Variants in TIAM1 observed in about 807,000 individuals in gnomAD.
The protein encoded by TIAM1 is TIAM Rac1 associated GEF 1.
In TIAM1, 65 loss-of-function variants were observed where a neutral mutation model predicts 163.5. The ratio of observed to expected loss-of-function variants is 0.40; its 90% CI spans 0.33 to 0.49. TIAM1 has a LOEUF of 0.49. Ranked by LOEUF, TIAM1 falls within the 20% of genes least tolerant of loss-of-function variation. TIAM1 has a pLI of 0.77. For missense variants in TIAM1, 1,789 were observed against 2,044.7 expected (o/e 0.87, Z 2.41); for synonymous variants, 833 against 810.1 (o/e 1.03, Z -0.48).
intron 2 of TIAM1, among the ~76,000 whole-genome samples, chr21:31,376,304 A>G (rs929715621): frequency 6.6e-6 from 1 of 152,034 alleles, no homozygotes; most frequent in Non-Finnish European, 1.5e-5. Flanking sequence ...CATAACACCA[A>G]TCACCAAGAA....
chr21:31,358,905 C>A (rs1030665129), intron 2 of TIAM1, among the ~76,000 whole-genome samples: 1 of 152,186 alleles, frequency 6.6e-6, no homozygotes, highest in Non-Finnish European at 1.5e-5. Flanking sequence ...AAGCATATCA[C>A]CCCTCTGGCC....
At chr21:31,375,893 G>C (rs1334188042) in intron 2 of TIAM1, among the ~76,000 whole-genome samples, 1 of 152,054 alleles carries the variant, frequency 6.6e-6, no homozygotes, top group Admixed American at 6.6e-5. Flanking sequence ...CGGGCATGAT[G>C]GTGGGCGCCT....
chr21:31,213,866 C>CAAAAAAAAAAAAAAAAA (rs35524539), intron 9 of TIAM1, among the ~76,000 whole-genome samples: 4 of 54,846 alleles, frequency 7.3e-5, no homozygotes, highest in African/African-American at 2.5e-4. Context: ...CTCATCTCTA[C>CAAAAAAAAAAAAAAAAA]AAAAAAAAAA....
intron 16 of TIAM1, among the ~76,000 whole-genome samples, chr21:31,160,158 C>CA (rs947639879): frequency 2.6e-5 from 4 of 151,914 alleles, no homozygotes; most frequent in African/African-American, 7.3e-5. Flanking sequence ...ATTAATTAAA[C>CA]AAAAAAATGC....
At chr21:31,517,625 G>C (rs2047428994) in intron 1 of TIAM1, among the ~76,000 whole-genome samples, 3 of 152,066 alleles carry the variant, frequency 2.0e-5, no homozygotes, top group African/African-American at 7.2e-5. Context: ...CCGGTACCAT[G>C]GTAGAATATG....
chr21:31,455,548 G>A (rs1247440955), intron 2 of TIAM1, among the ~76,000 whole-genome samples: 1 of 151,944 alleles, frequency 6.6e-6, no homozygotes. Flanking sequence ...GAGTAGCTGG[G>A]ATTACAGGCA....
At chr21:31,488,778 T>C (rs1602401920) in intron 1 of TIAM1, among the ~76,000 whole-genome samples, 2 of 152,038 alleles carry the variant, frequency 1.3e-5, no homozygotes, top group East Asian at 3.9e-4. Flanking sequence ...ATTATTATAA[T>C]TCAAGGTGAG....
chr21:31,425,725 C>G (rs566633250), intron 2 of TIAM1, among the ~76,000 whole-genome samples: 121 of 147,282 alleles, frequency 8.2e-4, no homozygotes, highest in African/African-American at 2.5e-3. Context: ...GAGACAGAGT[C>G]TCGCTCTGTC....
intron 2 of TIAM1, among the ~76,000 whole-genome samples, chr21:31,288,519 G>A (rs1423574208): frequency 1.3e-5 from 2 of 152,014 alleles, no homozygotes; most frequent in Non-Finnish European, 2.9e-5. Flanking sequence ...CATTTATGAG[G>A]GCAGAGCACT....
chr21:31,265,986 T>G (rs758172715), intron 4 of TIAM1, 24 bp downstream of exon 4: 1 of 1,605,742 alleles, frequency 6.2e-7, no homozygotes, highest in Non-Finnish European at 8.5e-7. Flanking sequence ...CCCAAAATAT[T>G]GAAACAAATT....
chr21:31,549,040 T>C (rs2048594551), intron 1 of TIAM1, among the ~76,000 whole-genome samples: 1 of 152,214 alleles, frequency 6.6e-6, no homozygotes. Flanking sequence ...CAAAAGCTGA[T>C]ACCAAAGGTA....
At chr21:31,428,075 A>G (rs2043862588) in intron 2 of TIAM1, among the ~76,000 whole-genome samples, 1 of 152,110 alleles carries the variant, frequency 6.6e-6, no homozygotes, top group South Asian at 2.1e-4. Context: ...CAGCCTGATC[A>G]ACATGGTGAA....
intron 6 of TIAM1, among the ~76,000 whole-genome samples, chr21:31,229,791 T>C (rs1285179034): frequency 6.6e-6 from 1 of 152,096 alleles, no homozygotes; most frequent in Admixed American, 6.5e-5. Context: ...CAGTTGGAAT[T>C]ACAGGCACCT....
At chr21:31,456,607 T>G (rs1288537146) in intron 2 of TIAM1, among the ~76,000 whole-genome samples, 1 of 143,360 alleles carries the variant, frequency 7.0e-6, no homozygotes, top group African/African-American at 2.5e-5. Context: ...TCAACTTTCA[T>G]GTTTTTAAAA....
At chr21:31,461,905 G>A (rs1043510934) in intron 2 of TIAM1, among the ~76,000 whole-genome samples, 3 of 152,126 alleles carry the variant, frequency 2.0e-5, no homozygotes, top group East Asian at 1.9e-4. Context: ...GGGCTCAAGC[G>A]ATCCTCCCGC....
At chr21:31,182,398 C>T in intron 15 of TIAM1, 23 bp downstream of exon 15, 1 of 1,512,126 alleles carries the variant, frequency 6.6e-7, no homozygotes, top group Non-Finnish European at 8.8e-7. Context: ...CAGACTCGCC[C>T]CCAGCACCCT....
intron 2 of TIAM1, among the ~76,000 whole-genome samples, chr21:31,406,646 T>C (rs1337927535): frequency 1.3e-5 from 2 of 151,912 alleles, no homozygotes; most frequent in Non-Finnish European, 2.9e-5. Context: ...TGCATGTTAC[T>C]AAATATTCAG....
At chr21:31,536,241 G>A (rs921300761) in intron 1 of TIAM1, among the ~76,000 whole-genome samples, 1 of 152,308 alleles carries the variant, frequency 6.6e-6, no homozygotes, top group East Asian at 1.9e-4. Context: ...GGAAACTGAG[G>A]CATAAGGCAA....
intron 2 of TIAM1, among the ~76,000 whole-genome samples, chr21:31,432,646 G>A (rs1471044625): frequency 6.6e-6 from 1 of 152,206 alleles, no homozygotes; most frequent in Non-Finnish European, 1.5e-5. Flanking sequence ...TGAAGTGGGA[G>A]GGGAAGGCAC....
Sources: gnomAD v4.1 joint callset for allele counts (sites outside exome capture counted in the v4.1 genomes callset) on GRCh38, gnomAD v4.1.1 for gene constraint, MANE v1.5 for transcripts, NCBI Gene and HGNC (gene_info 2026-07-23, HGNC 2026-07-21) for gene names.